The following ASTN2 variants were observed in gnomAD, a reference collection of about 807,000 sequenced individuals.
ASTN2 encodes the protein astrotactin-2.
ASTN2 carries 54 observed loss-of-function variants against 139.8 expected under a neutral mutation model. That is an observed-to-expected ratio of 0.39 (90% CI 0.31 to 0.48). The LOEUF is 0.48. Ranked by LOEUF, ASTN2 falls within the 20% of genes least tolerant of loss-of-function variation. ASTN2 has a pLI of 0.95. For missense variants in ASTN2, 1,565 were observed against 1,725.1 expected (o/e 0.91, Z 1.64); for synonymous variants, 756 against 719.5 (o/e 1.05, Z -0.81).
At chr9:117,260,314 A>G (rs1284968079) in intron 2 of ASTN2, among the ~76,000 whole-genome samples, 1 of 152,150 alleles carries the variant, frequency 6.6e-6, no homozygotes, top group African/African-American at 2.4e-5. Context: ...ATTATTAATT[A>G]AGGGAACTGG....
intron 10 of ASTN2, among the ~76,000 whole-genome samples, chr9:116,869,261 T>G (rs1833093330): frequency 6.6e-6 from 1 of 152,172 alleles, no homozygotes; most frequent in Non-Finnish European, 1.5e-5. Flanking sequence ...AACCTTTTCT[T>G]AGTTATATCT....
intron 1 of ASTN2, among the ~76,000 whole-genome samples, chr9:117,390,938 G>T (rs928217134): frequency 6.6e-6 from 1 of 152,170 alleles, no homozygotes; most frequent in Non-Finnish European, 1.5e-5. Context: ...TAGTTACACT[G>T]ATTTAATTGG....
chr9:117,356,854 G>A (rs1829553461), intron 1 of ASTN2, among the ~76,000 whole-genome samples: 1 of 152,110 alleles, frequency 6.6e-6, no homozygotes, highest in East Asian at 1.9e-4. Flanking sequence ...CTTGAGGTCA[G>A]GAGCTCAAGA....
At chr9:117,189,252 G>A (rs370341023) in intron 3 of ASTN2, among the ~76,000 whole-genome samples, 19 of 152,132 alleles carry the variant, frequency 1.2e-4, no homozygotes, top group African/African-American at 4.1e-4. Flanking sequence ...TCCAGTCAGG[G>A]ATATATTCAT....
intron 20 of ASTN2, among the ~76,000 whole-genome samples, chr9:116,473,008 T>C (rs575945915): frequency 3.3e-4 from 50 of 152,222 alleles, no homozygotes; most frequent in African/African-American, 1.2e-3. Flanking sequence ...CCTTCCCATC[T>C]TAGTTTCCTT....
intron 7 of ASTN2, among the ~76,000 whole-genome samples, chr9:116,998,549 T>TCATCTATC (rs1554767979): frequency 6.6e-6 from 1 of 150,560 alleles, no homozygotes; most frequent in African/African-American, 2.5e-5. Flanking sequence ...AATTTGATTT[T>TCATCTATC]CATCCATCCA....
Position 116,810,828 on chromosome 9 carries a change from G to T in ASTN2, c.2208-5008C>A, listed in dbSNP as rs1423603525. Among the ~76,000 whole-genome samples, 8 of 151,994 alleles carry T rather than the reference G, an allele frequency of 5.3e-5. No homozygotes were observed. In the South Asian group the frequency reaches 1.5e-3, roughly 28 times the overall value. ...CCTATAAAATCCCCTGGGCTCGATG[G>T]CTTCTTTTCAGTTGTAGATATTTAG... is the stretch of plus-strand genomic sequence containing the variant. On this transcript the variant is annotated intron_variant, in intron 12 of 22. Coordinates refer to ENST00000313400, the MANE Select transcript of ASTN2 (RefSeq NM_001365068.1).
chr9:117,317,143 T>G (rs1180500677), intron 1 of ASTN2, among the ~76,000 whole-genome samples: 1 of 152,084 alleles, frequency 6.6e-6, no homozygotes, highest in Non-Finnish European at 1.5e-5. Flanking sequence ...CATACACACA[T>G]GCACACACAC....
intron 20 of ASTN2, among the ~76,000 whole-genome samples, chr9:116,458,895 T>C (rs1183134696): frequency 6.6e-6 from 1 of 152,006 alleles, no homozygotes; most frequent in African/African-American, 2.4e-5. Flanking sequence ...TTTACAGAAA[T>C]TGACAAGCTG....
intron 1 of ASTN2, among the ~76,000 whole-genome samples, chr9:117,404,437 G>A (rs1006044084): frequency 3.3e-5 from 5 of 152,094 alleles, no homozygotes; most frequent in Admixed American, 2.6e-4. Flanking sequence ...ATTTGTCTTC[G>A]CTACATAGAT....
At chr9:117,402,258 G>T (rs1002944627) in intron 1 of ASTN2, among the ~76,000 whole-genome samples, 2 of 152,006 alleles carry the variant, frequency 1.3e-5, no homozygotes, top group Non-Finnish European at 2.9e-5. Context: ...GTAGAGATGG[G>T]GTTTCACCAT....
intron 2 of ASTN2, among the ~76,000 whole-genome samples, chr9:117,245,607 G>A (rs1166359965): frequency 1.3e-5 from 2 of 152,148 alleles, no homozygotes; most frequent in Non-Finnish European, 2.9e-5. Context: ...GAGGCAGAAG[G>A]TCTCAGTTTC....
At chr9:117,093,830 T>G (rs185540878) in intron 5 of ASTN2, among the ~76,000 whole-genome samples, 1 of 152,172 alleles carries the variant, frequency 6.6e-6, no homozygotes, top group Admixed American at 6.5e-5. Context: ...TTAAGAAAGC[T>G]CTCCCTGTGA....
At chr9:117,354,758 C>T in intron 1 of ASTN2, among the ~76,000 whole-genome samples, 1 of 152,130 alleles carries the variant, frequency 6.6e-6, no homozygotes, top group East Asian at 1.9e-4. Context: ...TCCCCACTGC[C>T]ATAGTCTTCC....
intron 11 of ASTN2, among the ~76,000 whole-genome samples, chr9:116,828,035 G>C (rs772073127): frequency 6.6e-6 from 1 of 152,146 alleles, no homozygotes; most frequent in Non-Finnish European, 1.5e-5. Flanking sequence ...AGTGGCTCAC[G>C]CCTGTAAGCC....
chr9:117,064,911 T>A (rs1355173576), intron 5 of ASTN2, among the ~76,000 whole-genome samples: 1 of 152,044 alleles, frequency 6.6e-6, no homozygotes, highest in Admixed American at 6.6e-5. Flanking sequence ...TGGGTTGAAT[T>A]GTGGCTATTA....
chr9:117,064,542 A>G (rs1827873511), intron 5 of ASTN2, among the ~76,000 whole-genome samples: 1 of 152,230 alleles, frequency 6.6e-6, no homozygotes, highest in Admixed American at 6.5e-5. Flanking sequence ...TAAATGAAAT[A>G]ACGCAGAAAT....
chr9:116,923,945 G>A (rs1834682099), intron 10 of ASTN2, among the ~76,000 whole-genome samples: 1 of 152,176 alleles, frequency 6.6e-6, no homozygotes, highest in Admixed American at 6.5e-5. Flanking sequence ...CATGTGCTGT[G>A]GAGCAGGGCC....
intron 19 of ASTN2, among the ~76,000 whole-genome samples, chr9:116,539,614 A>C (rs1427653261): frequency 6.6e-6 from 1 of 152,144 alleles, no homozygotes; most frequent in Non-Finnish European, 1.5e-5. Context: ...GGACGTCTGA[A>C]ACCACAGATG....
Sources: allele counts gnomAD v4.1 joint callset (sites outside exome capture counted in the v4.1 genomes callset), GRCh38; gene constraint gnomAD v4.1.1; transcripts MANE v1.5; gene names NCBI Gene and HGNC (gene_info 2026-07-23, HGNC 2026-07-21).